Variants in ST14 observed in about 807,000 individuals in gnomAD.
ST14 encodes ST14 transmembrane serine protease matriptase.
ST14 carries 40 observed loss-of-function variants against 96.5 expected under a neutral mutation model. The ratio of observed to expected loss-of-function variants is 0.41; its 90% CI spans 0.32 to 0.54. The LOEUF is 0.54. ST14 is among the 20% of genes least tolerant of loss of function. The pLI is 0.17. For missense variants in ST14, 1,066 were observed against 1,188.9 expected, an observed-to-expected ratio of 0.90 and a Z score of 1.52; for synonymous variants, 506 against 492.1, an observed-to-expected ratio of 1.03 and a Z score of -0.37.
intron 1 of ST14, among the ~76,000 whole-genome samples, chr11:130,167,628 C>T (rs1953054173): frequency 6.6e-6 from 1 of 152,194 alleles, no homozygotes; most frequent in South Asian, 2.1e-4. Context: ...TCCCCTATCA[C>T]AGGAGTCTGG....
chr11:130,163,490 C>T (rs942000260), intron 1 of ST14, among the ~76,000 whole-genome samples: 2 of 152,178 alleles, frequency 1.3e-5, no homozygotes, highest in Non-Finnish European at 2.9e-5. Flanking sequence ...CCCAGGTGAT[C>T]GATCCTCCTT....
chr11:130,199,913 T>C (rs1953409571), intron 15 of ST14, 38 bp from the exon 16 acceptor site: 1 of 1,613,452 alleles, frequency 6.2e-7, no homozygotes, highest in African/African-American at 1.3e-5. Context: ...TGTCCCCACC[T>C]TGACTTGCTG....
In ST14 at chr11:130,198,502, C is replaced by T. The variant is rs372346848; in HGVS notation, c.1571-6C>T. On this transcript the variant is annotated splice_polypyrimidine_tract_variant and splice_region_variant and intron_variant, in intron 13 of 18. Transcript: ENST00000278742. Reference sequence around the variant, plus strand: ...TCCTGGTGGCTGAGTCCTGGTGCCTCTCCAGGTTGTCCGGCCCAGACCTTC... The same window carrying T: ...TCCTGGTGGCTGAGTCCTGGTGCCTTTCCAGGTTGTCCGGCCCAGACCTTC... 4.6e-5 allele frequency: 74 copies of T among 1,613,864 alleles called. No individual in the cohort carries two copies. In the South Asian group the frequency reaches 6.3e-4, roughly 14 times the overall value.
At chr11:130,193,007 C>T (rs1488387847) in intron 7 of ST14, among the ~76,000 whole-genome samples, 1 of 152,096 alleles carries the variant, frequency 6.6e-6, no homozygotes, top group East Asian at 1.9e-4. Flanking sequence ...TCAGTTTCCT[C>T]ACCTCTGAGA....
Position 130,194,705 on chromosome 11 carries a change from C to G in ST14, c.1081C>G (p.Pro361Ala). ...CAGCCCCTACTACCCAGGCCACTAC[C>G]CACCCAACATTGACTGCACATGGAA... ...FNSPYYPGHY[P>A]PNIDCTWNIE... Residue 361 changes from proline to alanine, a missense_variant, in exon 9 of 19, where the codon CCA becomes GCA. Transcript: ENST00000278742. 1 of 1,614,182 alleles carries G rather than the reference C, an allele frequency of 6.2e-7. No individual in the cohort carries two copies. The highest frequency in any genetic ancestry group is 8.5e-7 in the Non-Finnish European group (1 of 1,180,026).
intron 16 of ST14, among the ~76,000 whole-genome samples, chr11:130,201,636 T>C (rs1565628105): frequency 6.6e-6 from 1 of 152,274 alleles, no homozygotes. Context: ...TGAAGTTCAG[T>C]GGTGCAAATC....
intron 1 of ST14, among the ~76,000 whole-genome samples, chr11:130,165,179 G>T (rs939077327): frequency 6.6e-6 from 1 of 152,214 alleles, no homozygotes; most frequent in Non-Finnish European, 1.5e-5. Context: ...TCCTATGTGG[G>T]CTGTGACATG....
At chr11:130,164,721 A>G (rs1411080512) in intron 1 of ST14, among the ~76,000 whole-genome samples, 1 of 129,368 alleles carries the variant, frequency 7.7e-6, no homozygotes, top group Non-Finnish European at 1.5e-5. Flanking sequence ...ACCCAGCCTT[A>G]TTATTATTAT....
At chr11:130,202,564 C>A (rs1040951552) in intron 16 of ST14, among the ~76,000 whole-genome samples, 22 of 152,126 alleles carry the variant, frequency 1.4e-4, no homozygotes. Flanking sequence ...GTCAGCTGGA[C>A]CAGGTGGCTC....
At position 130,198,582 on chromosome 11, in the gene ST14, G is replaced by A. The variant is rs142036996; in HGVS notation, c.1645G>A (p.Asp549Asn). 3.1e-5 allele frequency: 50 copies of A among 1,613,936 alleles called. No homozygotes were observed. In the Admixed American group the frequency reaches 4.0e-4, roughly 13 times the overall value. Reference protein sequence around the residue: ...SKSQQCNGKDDCGDGSDEASC... With the variant: ...SKSQQCNGKDNCGDGSDEASC... ...AAGCCAGCAGTGCAATGGGAAGGAC[G>A]ACTGTGGGGACGGGTCCGACGAGGC... Residue 549 changes from aspartate to asparagine, a missense_variant, in exon 14 of 19, where the codon GAC becomes AAC. Transcript: ENST00000278742.
chr11:130,164,956 C>T (rs1393471301), intron 1 of ST14, among the ~76,000 whole-genome samples: 1 of 151,270 alleles, frequency 6.6e-6, no homozygotes, highest in Non-Finnish European at 1.5e-5. Context: ...AGGCTGGTCT[C>T]AAACTCCTGA....
intron 1 of ST14, among the ~76,000 whole-genome samples, chr11:130,166,276 C>T (rs140612069): frequency 1.3e-5 from 2 of 152,312 alleles, no homozygotes; most frequent in African/African-American, 4.8e-5. Flanking sequence ...GTCTATGGTT[C>T]AATGTGTCTA....
At chr11:130,182,871 G>A (rs553497038) in intron 1 of ST14, among the ~76,000 whole-genome samples, 13 of 151,504 alleles carry the variant, frequency 8.6e-5, no homozygotes, top group East Asian at 2.0e-4. Context: ...GGCTGGTCTC[G>A]AACTCCTGAC....
chr11:130,162,792 G>A (rs540196950), intron 1 of ST14, among the ~76,000 whole-genome samples: 1 of 152,258 alleles, frequency 6.6e-6, no homozygotes, highest in Non-Finnish European at 1.5e-5. Flanking sequence ...ATATGCACTG[G>A]GTGAGCACAT....
In ST14 at chr11:130,188,221, C is replaced by T. The variant is rs768216252; in HGVS notation, c.189C>T (p.Ile63=). The T allele has an allele frequency of 1.1e-5, 18 of 1,614,146 alleles. No homozygotes were observed. Among genetic ancestry groups the T allele is most frequent in the East Asian group, 4.5e-5 (2 of 44,880 alleles). ...GGGTGGTGCTGGCAGCCGTGCTGAT[C>T]GGCCTCCTCTTGGTCTTGCTGGGGA... is the stretch of plus-strand genomic sequence containing the variant. ...GRWVVLAAVL[I]GLLLVLLGIG... The change falls in exon 2 of 19, where the codon ATC becomes ATT. Residue 63 remains isoleucine, a synonymous_variant. Transcript: ENST00000278742. The surrounding 1 kb of genome is among the most constrained non-coding windows in gnomAD (Gnocchi z 5.4).
At chr11:130,207,825 C>T (rs540140942) in intron 16 of ST14, among the ~76,000 whole-genome samples, 4 of 152,336 alleles carry the variant, frequency 2.6e-5, no homozygotes, top group Non-Finnish European at 2.9e-5. Context: ...GTAATCCCAG[C>T]GCTTTGGGAG....
chr11:130,168,279 T>C (rs1203948849), intron 1 of ST14, among the ~76,000 whole-genome samples: 2 of 152,202 alleles, frequency 1.3e-5, no homozygotes, highest in Non-Finnish European at 2.9e-5. Context: ...TTGTGGGTTA[T>C]GCTGGTGAAT....
At chr11:130,201,437 CA>C (rs1413861372) in intron 16 of ST14, among the ~76,000 whole-genome samples, 2 of 152,378 alleles carry the variant, frequency 1.3e-5, no homozygotes, top group East Asian at 3.9e-4. Context: ...GATGGGCCCA[CA>C]GCAGGAGGGA....
At position 130,200,180 on chromosome 11, in the gene ST14, T is replaced by A. The variant is rs766219214; in HGVS notation, c.1994+43T>A. On this transcript the variant is annotated intron_variant, in intron 16 of 18. Transcript: ENST00000278742. ...CAGCAGGGAGCCTCCTTGCTGGCCCTTTGCATCTGGGAGTAATGCCAGGAT... is the reference window on the plus strand; with the variant it reads ...CAGCAGGGAGCCTCCTTGCTGGCCCATTGCATCTGGGAGTAATGCCAGGAT... 1.1e-5 allele frequency: 17 copies of A among 1,607,478 alleles called. No homozygotes were observed. In the South Asian group the frequency reaches 1.9e-4, roughly 18 times the overall value.
Sources: allele counts gnomAD v4.1 joint callset (sites outside exome capture counted in the v4.1 genomes callset), GRCh38; gene constraint gnomAD v4.1.1; non-coding constraint Gnocchi (gnomAD v3.1); transcripts MANE v1.5; gene names NCBI Gene and HGNC (gene_info 2026-07-23, HGNC 2026-07-21).